The following SLC10A7 variants were observed in gnomAD, a reference collection of about 807,000 sequenced individuals.
SLC10A7 encodes sodium/bile acid cotransporter 7.
In SLC10A7, 29 loss-of-function variants were observed where a neutral mutation model predicts 43.2. That is an observed-to-expected ratio of 0.67 (90% CI 0.50 to 0.92). The LOEUF is 0.92. SLC10A7 is among the 40% of genes least tolerant of loss of function. The pLI, the probability that SLC10A7 is intolerant of heterozygous loss-of-function variation, is 0.00. For synonymous variants in SLC10A7, 152 were observed against 144.8 expected (o/e 1.05, Z -0.35); for missense variants, 295 against 403.2 (o/e 0.73, Z 2.30).
At chr4:146,380,944 C>T (rs1192649925) in intron 5 of SLC10A7, among the ~76,000 whole-genome samples, 1 of 151,858 alleles carries the variant, frequency 6.6e-6, no homozygotes, top group Non-Finnish European at 1.5e-5. Context: ...TAAACAGTTC[C>T]AAAGTTTCTA....
In SLC10A7 at chr4:146,348,651, C is replaced by T. The variant is rs191379804; in HGVS notation, c.436-22655G>A. Among the ~76,000 whole-genome samples the T allele has an allele frequency of 6.6e-5, 10 of 152,130 alleles. 1 individual carries two copies. The East Asian group carries it at 1.9e-3, about 29-fold the overall frequency. On this transcript the variant is annotated intron_variant, in intron 5 of 11. Transcript: ENST00000335472. ...ATTTCTTCTGGAGAAAACTACAGTA[C>T]ATAAAAACGTATCATTTAAATTTAT...
chr4:146,350,309 T>C (rs148103106), intron 5 of SLC10A7, among the ~76,000 whole-genome samples: 10,415 of 151,358 alleles, frequency 0.069, 464 homozygotes, highest in South Asian at 0.18. Flanking sequence ...CACCCGAATA[T>C]TGCGCTTTTC....
At chr4:146,457,157 G>A (rs1472563221) in intron 4 of SLC10A7, among the ~76,000 whole-genome samples, 1 of 151,602 alleles carries the variant, frequency 6.6e-6, no homozygotes, top group African/African-American at 2.4e-5. Flanking sequence ...TTTGATTTTT[G>A]TTTAATTTTC....
chr4:146,286,499 AGAAGGACTGTGTTTGGAGTG>A (rs1729961706), intron 9 of SLC10A7, among the ~76,000 whole-genome samples: 1 of 151,644 alleles, frequency 6.6e-6, no homozygotes, highest in East Asian at 1.9e-4. Flanking sequence ...TGGAGTGGTG[AGAAGGACTGTGTTTGGAGTG>A]GTGAGAAGGA....
chr4:146,315,096 C>T (rs568301876), intron 6 of SLC10A7, among the ~76,000 whole-genome samples: 9 of 152,130 alleles, frequency 5.9e-5, no homozygotes, highest in South Asian at 4.2e-4. Flanking sequence ...TTAACTACTA[C>T]GGAGACTGGT....
intron 2 of SLC10A7, among the ~76,000 whole-genome samples, chr4:146,516,590 G>A (rs1346104722): frequency 1.3e-5 from 2 of 151,456 alleles, no homozygotes; most frequent in African/African-American, 4.8e-5. Flanking sequence ...GGAACAATAA[G>A]CTTTTCTAAA....
chr4:146,324,437 T>A (rs1578884305), intron 6 of SLC10A7, among the ~76,000 whole-genome samples: 2 of 152,294 alleles, frequency 1.3e-5, no homozygotes, highest in African/African-American at 4.8e-5. Context: ...TCCAAGATGT[T>A]ACAACCTAGG....
chr4:146,366,046 T>C (rs1181517506), intron 5 of SLC10A7, among the ~76,000 whole-genome samples: 1 of 152,344 alleles, frequency 6.6e-6, no homozygotes, highest in Non-Finnish European at 1.5e-5. Context: ...TAATGCCTGA[T>C]GATCTGAGGT....
chr4:146,361,468 T>C (rs111235599), intron 5 of SLC10A7, among the ~76,000 whole-genome samples: 6 of 152,288 alleles, frequency 3.9e-5, no homozygotes, highest in African/African-American at 1.4e-4. Context: ...TTTCCACAAG[T>C]CTGCCAGGGT....
intron 4 of SLC10A7, among the ~76,000 whole-genome samples, chr4:146,501,605 G>A (rs1358466311): frequency 6.6e-6 from 1 of 152,124 alleles, no homozygotes; most frequent in Non-Finnish European, 1.5e-5. Flanking sequence ...AATCAATCTG[G>A]CATCTTTAGG....
At chr4:146,484,861 C>T (rs1734780321) in intron 4 of SLC10A7, among the ~76,000 whole-genome samples, 1 of 152,124 alleles carries the variant, frequency 6.6e-6, no homozygotes, top group Admixed American at 6.5e-5. Flanking sequence ...AATTTAAAGA[C>T]AGATACAAGG....
intron 5 of SLC10A7, among the ~76,000 whole-genome samples, chr4:146,383,118 G>T (rs1024666280): frequency 2.6e-5 from 4 of 152,034 alleles, no homozygotes; most frequent in Admixed American, 2.0e-4. Flanking sequence ...CATTTTTATT[G>T]TTACCTTGAC....
chr4:146,409,256 G>T (rs1289230591), intron 5 of SLC10A7, among the ~76,000 whole-genome samples: 1 of 150,512 alleles, frequency 6.6e-6, no homozygotes, highest in East Asian at 2.0e-4. Flanking sequence ...ATGCAACTTT[G>T]GAAATCTCTT....
At chr4:146,269,718 T>A (rs1728780533) in intron 10 of SLC10A7, among the ~76,000 whole-genome samples, 1 of 152,166 alleles carries the variant, frequency 6.6e-6, no homozygotes, top group Non-Finnish European at 1.5e-5. Context: ...CTTGAACCTA[T>A]TGAGTCTGAT....
intron 10 of SLC10A7, among the ~76,000 whole-genome samples, chr4:146,272,812 ATAT>A (rs1578754620): frequency 6.6e-6 from 1 of 151,666 alleles, no homozygotes; most frequent in South Asian, 2.1e-4. Context: ...AACTTTCTAA[ATAT>A]TAATAATAAT....
chr4:146,283,824 C>T (rs1234720313), intron 9 of SLC10A7, among the ~76,000 whole-genome samples: 2 of 152,038 alleles, frequency 1.3e-5, no homozygotes, highest in Non-Finnish European at 2.9e-5. Context: ...ATGTAATGTT[C>T]CTATTTACAG....
At chr4:146,404,631 T>TA (rs1739456088) in intron 5 of SLC10A7, among the ~76,000 whole-genome samples, 1 of 151,954 alleles carries the variant, frequency 6.6e-6, no homozygotes, top group South Asian at 2.1e-4. Flanking sequence ...TGCTTCTTTT[T>TA]AAAAAAATTC....
intron 4 of SLC10A7, among the ~76,000 whole-genome samples, chr4:146,474,121 CAAAT>C (rs1406252135): frequency 5.2e-5 from 4 of 76,224 alleles, no homozygotes; most frequent in Non-Finnish European, 9.9e-5. Context: ...GAGGAAAAGT[CAAAT>C]AAAAGAGAAA....
At chr4:146,376,504 G>A (rs1737211505) in intron 5 of SLC10A7, among the ~76,000 whole-genome samples, 1 of 151,966 alleles carries the variant, frequency 6.6e-6, no homozygotes, top group African/African-American at 2.4e-5. Flanking sequence ...AGAGCAGCAT[G>A]GTAAAGAAGG....
Sources: gnomAD v4.1 joint callset for allele counts (sites outside exome capture counted in the v4.1 genomes callset) on GRCh38, gnomAD v4.1.1 for gene constraint, MANE v1.5 for transcripts, NCBI Gene and HGNC (gene_info 2026-07-23, HGNC 2026-07-21) for gene names.